Variants in PRDM16 observed in about 807,000 individuals in gnomAD.
PRDM16 encodes histone-lysine N-methyltransferase PRDM16.
Under a neutral mutation model 110.6 loss-of-function variants are expected in PRDM16, and 23 were observed. That is an observed-to-expected ratio of 0.21 (90% CI 0.15 to 0.29). The LOEUF is 0.29. Ranked by LOEUF, PRDM16 falls within the 10% of genes least tolerant of loss-of-function variation. The probability of loss-of-function intolerance (pLI) is 1.00; values close to 1 mark genes in which losing one functional copy is unlikely to be tolerated. For synonymous variants in PRDM16, 799 were observed against 781.8 expected (o/e 1.02, Z -0.37); for missense variants, 1,615 against 1,794.3 (o/e 0.90, Z 1.81).
At chr1:3,123,879 T>C (rs1378907040) in intron 1 of PRDM16, among the ~76,000 whole-genome samples, 3 of 152,170 alleles carry the variant, frequency 2.0e-5, no homozygotes, top group Admixed American at 1.3e-4. Flanking sequence ...AGACAGAGAC[T>C]TGTGTCCTTG....
intron 3 of PRDM16, among the ~76,000 whole-genome samples, chr1:3,301,972 CT>C (rs1336111702): frequency 6.6e-6 from 1 of 152,174 alleles, no homozygotes; most frequent in Non-Finnish European, 1.5e-5. Flanking sequence ...TTTGGAGGGC[CT>C]TTTGGCTACA....
At chr1:3,222,117 G>A (rs934802099) in intron 2 of PRDM16, among the ~76,000 whole-genome samples, 4 of 152,176 alleles carry the variant, frequency 2.6e-5, no homozygotes, top group Non-Finnish European at 4.4e-5. Flanking sequence ...TTGCAGGTGC[G>A]TTTGCAGGGC....
intron 1 of PRDM16, among the ~76,000 whole-genome samples, chr1:3,182,568 C>T (rs1024619629): frequency 3.3e-5 from 5 of 152,130 alleles, no homozygotes; most frequent in African/African-American, 1.2e-4. Flanking sequence ...GCTGAAGGCT[C>T]CCACTGTAAG....
At chr1:3,075,786 C>G (rs1055437707) in intron 1 of PRDM16, among the ~76,000 whole-genome samples, 29 of 152,220 alleles carry the variant, frequency 1.9e-4, no homozygotes, top group Non-Finnish European at 2.6e-4. Context: ...GAAACGAACC[C>G]GGTGAGGAGG....
intron 1 of PRDM16, among the ~76,000 whole-genome samples, chr1:3,146,566 T>C (rs1265522639): frequency 1.5e-5 from 2 of 137,752 alleles, no homozygotes; most frequent in Non-Finnish European, 3.1e-5. Flanking sequence ...TGTGTACACA[T>C]GTGTGCTCGG....
intron 2 of PRDM16, among the ~76,000 whole-genome samples, chr1:3,228,397 T>A (rs1158520867): frequency 6.6e-6 from 1 of 152,210 alleles, no homozygotes; most frequent in Non-Finnish European, 1.5e-5. Context: ...CAGAATTAAT[T>A]ACTTGAGGCT....
intron 1 of PRDM16, among the ~76,000 whole-genome samples, chr1:3,154,040 G>A (rs528400825): frequency 7.0e-4 from 106 of 152,262 alleles, no homozygotes; most frequent in African/African-American, 2.5e-3. Flanking sequence ...CAGGGACGGC[G>A]CTCCCCTTCC....
intron 1 of PRDM16, among the ~76,000 whole-genome samples, chr1:3,134,985 G>A (rs995004273): frequency 1.3e-5 from 2 of 152,218 alleles, no homozygotes. Flanking sequence ...CCGGCCACCC[G>A]CAGGCTGGGC....
intron 5 of PRDM16, among the ~76,000 whole-genome samples, chr1:3,401,968 T>C (rs11578011): frequency 0.58 from 87,532 of 152,204 alleles, 26,143 homozygotes; most frequent in South Asian, 0.7. Flanking sequence ...CACACAAACA[T>C]GGGTGTAAGT....
Position 3,325,403 on chromosome 1 carries a change from G to A in PRDM16, c.439-59749G>A, listed in dbSNP as rs537750010. On this transcript the variant is annotated intron_variant, in intron 3 of 16. Transcript: ENST00000270722. ...GGGATGCCCTTCCTGGGAATGGACCGAGTCCTTGTGGCAGAGGCTGAGGGC... is the reference window on the plus strand; with the variant it reads ...GGGATGCCCTTCCTGGGAATGGACCAAGTCCTTGTGGCAGAGGCTGAGGGC... Among the ~76,000 whole-genome samples, 402 of 152,282 alleles carry A rather than the reference G, an allele frequency of 2.6e-3. 1 individual carries two copies. The highest frequency in any genetic ancestry group is 4.1e-3 in the Non-Finnish European group (276 of 68,000).
At chr1:3,187,960 G>A (rs991343723) in intron 2 of PRDM16, among the ~76,000 whole-genome samples, 1 of 152,220 alleles carries the variant, frequency 6.6e-6, no homozygotes, top group African/African-American at 2.4e-5. Flanking sequence ...GAGAGGCAGA[G>A]GACAGTGTGT....
At chr1:3,328,886 C>T (rs1453178300) in intron 3 of PRDM16, among the ~76,000 whole-genome samples, 3 of 152,114 alleles carry the variant, frequency 2.0e-5, no homozygotes, top group African/African-American at 7.2e-5. Flanking sequence ...CCTGGACCCC[C>T]CGTTCAGATT....
Position 3,190,724 on chromosome 1 carries a change from G to A in PRDM16, c.387+4250G>A, listed in dbSNP as rs1030427340. On this transcript the variant is annotated intron_variant, in intron 2 of 16. Coordinates refer to ENST00000270722, the MANE Select transcript of PRDM16 (RefSeq NM_022114.4). This position sits in a 1 kb window ranked among gnomAD's most constrained non-coding sequence, Gnocchi z 5.0. ...CAAATACCACGCCCCGCCGGTCGCC[G>A]CCGAAGCCCACCTGCCTGGAGGAAA... Among the ~76,000 whole-genome samples the A allele has an allele frequency of 1.6e-4, 24 of 152,334 alleles. No individual in the cohort carries two copies. Among genetic ancestry groups the A allele is most frequent in the Non-Finnish European group, 2.5e-4 (17 of 68,032 alleles).
rs963125944 is a variant in PRDM16 at position 3,081,805 on chromosome 1, G to T, written c.37+12509G>T. ...GGGACCTTCCATGGGCAGCAGGGCA[G>T]CAAGGGAGACCACCTCCTTGCTGCC... is the stretch of plus-strand genomic sequence containing the variant. On this transcript the variant is annotated intron_variant, in intron 1 of 16. Coordinates refer to ENST00000270722, the MANE Select transcript of PRDM16 (RefSeq NM_022114.4). The surrounding 1 kb of genome is among the most constrained non-coding windows in gnomAD (Gnocchi z 4.6). 1.3e-5 allele frequency among the ~76,000 whole-genome samples: 2 copies of T among 152,048 alleles called. No homozygotes were observed. The highest frequency in any genetic ancestry group is 1.3e-4 in the Admixed American group (2 of 15,282).
intron 3 of PRDM16, among the ~76,000 whole-genome samples, chr1:3,373,006 C>A (rs1010478592): frequency 9.8e-5 from 15 of 152,300 alleles, no homozygotes; most frequent in Admixed American, 7.8e-4. Flanking sequence ...GTCCAAATTG[C>A]CCAGATGTTG....
intron 3 of PRDM16, among the ~76,000 whole-genome samples, chr1:3,299,640 C>T (rs1641167598): frequency 7.7e-6 from 1 of 130,318 alleles, no homozygotes; most frequent in Admixed American, 7.4e-5. Flanking sequence ...TGACTCTGCC[C>T]TTGTTGAAGA....
chr1:3,396,396 C>A, intron 4 of PRDM16, 95 bp from the exon 5 acceptor site: 1 of 756,252 alleles, frequency 1.3e-6, no homozygotes, highest in Non-Finnish European at 2.4e-6. Context: ...GCAGGCCGAG[C>A]TGCGTCCACA....
At chr1:3,299,101 A>G (rs1388011327) in intron 3 of PRDM16, among the ~76,000 whole-genome samples, 1 of 152,190 alleles carries the variant, frequency 6.6e-6, no homozygotes, top group Non-Finnish European at 1.5e-5. Flanking sequence ...CTTGTTGGAG[A>G]TGCTGTGCTG....
In PRDM16 at chr1:3,148,926, G is replaced by A. The variant is rs1021705796; in HGVS notation, c.38-37199G>A. On this transcript the variant is annotated intron_variant, in intron 1 of 16. Coordinates refer to ENST00000270722, the MANE Select transcript of PRDM16 (RefSeq NM_022114.4). This position sits in a 1 kb window ranked among gnomAD's most constrained non-coding sequence, Gnocchi z 5.0. ...CAGTTGCGGAGGAAATGTTGGAGGA[G>A]GGGCAGTGGGGAAGGGCTGGAGCCC... Among the ~76,000 whole-genome samples, 5 of 152,212 alleles carry A rather than the reference G, an allele frequency of 3.3e-5. No homozygotes were observed. Among genetic ancestry groups the A allele is most frequent in the Non-Finnish European group, 7.3e-5 (5 of 68,036 alleles).
Sources: allele counts gnomAD v4.1 joint callset (sites outside exome capture counted in the v4.1 genomes callset), GRCh38; gene constraint gnomAD v4.1.1; non-coding constraint Gnocchi (gnomAD v3.1); transcripts MANE v1.5; gene names NCBI Gene and HGNC (gene_info 2026-07-23, HGNC 2026-07-21).